Variants in SDK1 observed in about 807,000 individuals in gnomAD.
SDK1 encodes sidekick cell adhesion molecule 1, also known as protein sidekick-1.
A neutral mutation model predicts 245.5 loss-of-function variants in SDK1; 157 were observed. The observed-to-expected ratio is 0.64, with a 90% CI of 0.56 to 0.73. The LOEUF (loss-of-function observed/expected upper bound fraction) is 0.73, where lower values mean the gene tolerates loss of function less well. Ranked by LOEUF, SDK1 falls within the 30% of genes least tolerant of loss-of-function variation. The pLI, the probability that SDK1 is intolerant of heterozygous loss-of-function variation, is 0.00. For synonymous variants in SDK1, 1,647 were observed against 1,278.5 expected, an observed-to-expected ratio of 1.29 and a Z score of -6.15; for missense variants, 3,583 against 3,002.3, an observed-to-expected ratio of 1.19 and a Z score of -4.52.
intron 1 of SDK1, among the ~76,000 whole-genome samples, chr7:3,350,666 G>A (rs1486092605): frequency 1.3e-5 from 2 of 152,154 alleles, no homozygotes; most frequent in Non-Finnish European, 2.9e-5. Flanking sequence ...ACCAGTCAGT[G>A]AGGTGTTTGG....
chr7:4,158,932 C>T (rs956143083), intron 31 of SDK1, among the ~76,000 whole-genome samples: 5 of 152,316 alleles, frequency 3.3e-5, no homozygotes, highest in South Asian at 2.1e-4. Flanking sequence ...TGATGGGAAG[C>T]GAGGTCTCCT....
intron 1 of SDK1, among the ~76,000 whole-genome samples, chr7:3,531,652 C>T (rs1165532258): frequency 6.6e-6 from 1 of 152,162 alleles, no homozygotes; most frequent in Non-Finnish European, 1.5e-5. Context: ...TTTTCTCCCA[C>T]ATTAGTGTAG....
chr7:3,817,017 C>T (rs1272531132), intron 4 of SDK1, among the ~76,000 whole-genome samples: 2 of 152,058 alleles, frequency 1.3e-5, no homozygotes, highest in Admixed American at 6.5e-5. Context: ...GTTTAATGGG[C>T]AAAGTTATTA....
Position 3,978,636 on chromosome 7 carries a change from A to G in SDK1, c.1994+4091A>G, listed in dbSNP as rs183169209. On this transcript the variant is annotated intron_variant, in intron 13 of 44. Coordinates refer to ENST00000404826, the MANE Select transcript of SDK1 (RefSeq NM_152744.4). ...AACAGAGCTTGACTCTACAACAATA[A>G]TGGCAATAGAATGATAATAATAATA... 1.5e-3 allele frequency among the ~76,000 whole-genome samples: 225 copies of G among 152,284 alleles called. 1 individual carries two copies. The highest frequency in any genetic ancestry group is 0.013 in the Admixed American group (195 of 15,300).
At chr7:3,838,068 T>C (rs1780066108) in intron 5 of SDK1, among the ~76,000 whole-genome samples, 1 of 152,226 alleles carries the variant, frequency 6.6e-6, no homozygotes, top group Admixed American at 6.5e-5. Context: ...CCCTGTGTGC[T>C]GGGAGACACT....
chr7:3,822,037 A>G (rs1779659681), intron 5 of SDK1, among the ~76,000 whole-genome samples: 1 of 152,174 alleles, frequency 6.6e-6, no homozygotes, highest in African/African-American at 2.4e-5. Flanking sequence ...TCAGTTGATC[A>G]TTTTTTCCAC....
intron 29 of SDK1, among the ~76,000 whole-genome samples, chr7:4,147,139 C>A (rs1282154512): frequency 1.3e-5 from 2 of 152,212 alleles, no homozygotes; most frequent in African/African-American, 4.8e-5. Context: ...GCAGGCACCA[C>A]TGCAGGGATA....
chr7:4,100,713 T>C (rs543028482), intron 22 of SDK1, among the ~76,000 whole-genome samples: 1 of 152,100 alleles, frequency 6.6e-6, no homozygotes, highest in South Asian at 2.1e-4. Context: ...TCCCATTGCT[T>C]GTAAACCACC....
At chr7:3,526,792 A>G (rs1386277414) in intron 1 of SDK1, among the ~76,000 whole-genome samples, 1 of 152,054 alleles carries the variant, frequency 6.6e-6, no homozygotes, top group Non-Finnish European at 1.5e-5. Context: ...GTTGGTTTTC[A>G]TTCCTGATGC....
intron 5 of SDK1, among the ~76,000 whole-genome samples, chr7:3,849,119 C>G (rs961095497): frequency 2.0e-5 from 3 of 152,192 alleles, no homozygotes; most frequent in African/African-American, 7.2e-5. Context: ...TCCGAACTTT[C>G]CCTTTCAAAG....
intron 25 of SDK1, among the ~76,000 whole-genome samples, chr7:4,125,858 G>A (rs1161451689): frequency 1.3e-5 from 2 of 152,194 alleles, no homozygotes; most frequent in African/African-American, 4.8e-5. Flanking sequence ...AAGGAAGGTA[G>A]GCCAGGCTTA....
chr7:3,738,768 G>T (rs763663700), intron 4 of SDK1, among the ~76,000 whole-genome samples: 1 of 150,750 alleles, frequency 6.6e-6, no homozygotes, highest in Non-Finnish European at 1.5e-5. Flanking sequence ...TTATTTTTAA[G>T]TATTTTACTC....
At chr7:3,606,081 A>G (rs1222633451) in intron 1 of SDK1, among the ~76,000 whole-genome samples, 1 of 152,158 alleles carries the variant, frequency 6.6e-6, no homozygotes, top group Non-Finnish European at 1.5e-5. Context: ...TCTAGTGGGT[A>G]TTTCAAACAT....
intron 8 of SDK1, among the ~76,000 whole-genome samples, chr7:3,960,968 A>G (rs902476539): frequency 1.3e-5 from 2 of 152,258 alleles, no homozygotes; most frequent in Non-Finnish European, 2.9e-5. Flanking sequence ...TTGCCCCAAA[A>G]TAGAAATACT....
At chr7:4,237,559 C>A in intron 41 of SDK1, 88 bp from the exon 42 acceptor site, 3 of 1,497,924 alleles carry the variant, frequency 2.0e-6, no homozygotes, top group South Asian at 1.2e-5. Flanking sequence ...TCTACCCCAG[C>A]CTTCCCTGCC....
chr7:3,739,066 A>G (rs940614549), intron 4 of SDK1, among the ~76,000 whole-genome samples: 6 of 152,042 alleles, frequency 3.9e-5, no homozygotes, highest in Non-Finnish European at 8.8e-5. Context: ...GCATGCCTGC[A>G]TAGCTAATCC....
At chr7:3,799,636 C>T (rs891668696) in intron 4 of SDK1, among the ~76,000 whole-genome samples, 7 of 137,260 alleles carry the variant, frequency 5.1e-5, no homozygotes, top group Non-Finnish European at 9.1e-5. Context: ...ACCTGGGAGG[C>T]GGGGTTTGCA....
chr7:3,906,399 T>TGTGAGAGA (rs373402283), intron 5 of SDK1, among the ~76,000 whole-genome samples: 7 of 150,020 alleles, frequency 4.7e-5, no homozygotes, highest in African/African-American at 1.7e-4. Flanking sequence ...TGTGTGTGTG[T>TGTGAGAGA]GAGAGAGAGA....
At chr7:3,347,287 A>G (rs1780534531) in intron 1 of SDK1, among the ~76,000 whole-genome samples, 1 of 151,428 alleles carries the variant, frequency 6.6e-6, no homozygotes, top group Non-Finnish European at 1.5e-5. Flanking sequence ...ATCTTCTTAT[A>G]CTCTTTTGTA....
Sources: gnomAD v4.1 joint callset for allele counts (sites outside exome capture counted in the v4.1 genomes callset) on GRCh38, gnomAD v4.1.1 for gene constraint, MANE v1.5 for transcripts, NCBI Gene and HGNC (gene_info 2026-07-23, HGNC 2026-07-21) for gene names.